The following NDUFS4 variants were observed in gnomAD, a reference collection of about 807,000 sequenced individuals.
NDUFS4 encodes NADH dehydrogenase [ubiquinone] iron-sulfur protein 4, mitochondrial.
In NDUFS4, 28 loss-of-function variants were observed where a neutral mutation model predicts 24.3. That is an observed-to-expected ratio of 1.15 (90% CI 0.85 to 1.58). NDUFS4 has a LOEUF of 1.58. Ranked by LOEUF, NDUFS4 falls within the 40% of genes most tolerant of loss-of-function variation. The pLI, the probability that NDUFS4 is intolerant of heterozygous loss-of-function variation, is 0.00. For synonymous variants in NDUFS4, 93 were observed against 69.7 expected (o/e 1.34, Z -1.67); for missense variants, 223 against 207.9 (o/e 1.07, Z -0.45).
chr5:53,614,038 A>G (rs1017792495), intron 2 of NDUFS4, among the ~76,000 whole-genome samples: 5 of 151,942 alleles, frequency 3.3e-5, no homozygotes, highest in Non-Finnish European at 5.9e-5. Context: ...AACTAATATT[A>G]AAAGTTTTTT....
At chr5:53,628,126 C>CT (rs1554057691) in intron 2 of NDUFS4, among the ~76,000 whole-genome samples, 1 of 152,184 alleles carries the variant, frequency 6.6e-6, no homozygotes, top group Non-Finnish European at 1.5e-5. Context: ...TTTTCTGCAT[C>CT]TATTGAGATA....
chr5:53,661,246 C>A lies in NDUFS4; in HGVS notation c.424+2622C>A, dbSNP rs368679377. Among the ~76,000 whole-genome samples, 1,248 of 152,098 alleles carry A rather than the reference C, an allele frequency of 8.2e-3. 6 individuals are homozygous for A. The highest frequency in any genetic ancestry group is 0.017 in the African/African-American group (723 of 41,520). On this transcript the variant is annotated intron_variant, in intron 4 of 4. Transcript: ENST00000296684. ...CTAGCCAGTTTTCCCAGCACCATTT[C>A]TTAAATAGGGAATCCTTTCCCCATT...
chr5:53,682,096 G>T (rs1298491790), intron 4 of NDUFS4, among the ~76,000 whole-genome samples: 1 of 152,088 alleles, frequency 6.6e-6, no homozygotes, highest in African/African-American at 2.4e-5. Flanking sequence ...CCTGAGAGAA[G>T]AATAAATTAC....
At chr5:53,659,812 A>G (rs1047361301) in intron 4 of NDUFS4, among the ~76,000 whole-genome samples, 1 of 152,154 alleles carries the variant, frequency 6.6e-6, no homozygotes, top group Non-Finnish European at 1.5e-5. Flanking sequence ...GCTTATGATT[A>G]AAAGTCTGAA....
intron 2 of NDUFS4, among the ~76,000 whole-genome samples, chr5:53,625,786 T>C (rs1212071887): frequency 1.3e-5 from 2 of 152,232 alleles, no homozygotes; most frequent in African/African-American, 4.8e-5. Context: ...TCTTTTAACA[T>C]ATTTATAGTC....
intron 2 of NDUFS4, among the ~76,000 whole-genome samples, chr5:53,624,338 G>A (rs1344813843): frequency 2.6e-5 from 4 of 152,060 alleles, no homozygotes; most frequent in Non-Finnish European, 4.4e-5. Flanking sequence ...AAGATTTCAC[G>A]TGAATTTTAG....
intron 2 of NDUFS4, among the ~76,000 whole-genome samples, chr5:53,629,331 G>T (rs1751328404): frequency 6.6e-6 from 1 of 152,166 alleles, no homozygotes; most frequent in African/African-American, 2.4e-5. Flanking sequence ...AGTGCGATGT[G>T]GTGCTGAGAA....
chr5:53,635,984 T>C (rs931304224), intron 2 of NDUFS4, among the ~76,000 whole-genome samples: 4 of 152,210 alleles, frequency 2.6e-5, no homozygotes, highest in African/African-American at 9.7e-5. Flanking sequence ...CGTTGCAAAG[T>C]TTATGGCTGA....
At chr5:53,678,569 G>A (rs1740551608) in intron 4 of NDUFS4, among the ~76,000 whole-genome samples, 2 of 152,128 alleles carry the variant, frequency 1.3e-5, no homozygotes, top group South Asian at 4.1e-4. Context: ...TATGATTGTA[G>A]ACTATACCTT....
chr5:53,635,825 A>G (rs906834896), intron 2 of NDUFS4, among the ~76,000 whole-genome samples: 3 of 152,190 alleles, frequency 2.0e-5, no homozygotes, highest in African/African-American at 7.2e-5. Flanking sequence ...GTGTTCTAAT[A>G]GATTTTTCTT....
At chr5:53,580,751 C>A (rs1338263960) in intron 1 of NDUFS4, among the ~76,000 whole-genome samples, 1 of 139,096 alleles carries the variant, frequency 7.2e-6, no homozygotes, top group South Asian at 2.3e-4. Context: ...CCTTTCCTTC[C>A]TTTCTCTTTC....
At chr5:53,667,843 C>T (rs889983846) in intron 4 of NDUFS4, among the ~76,000 whole-genome samples, 6 of 152,170 alleles carry the variant, frequency 3.9e-5, no homozygotes, top group African/African-American at 1.4e-4. Flanking sequence ...CATATTTCTT[C>T]ATCTTTGAAA....
chr5:53,619,272 C>T (rs1165167840), intron 2 of NDUFS4, among the ~76,000 whole-genome samples: 1 of 148,724 alleles, frequency 6.7e-6, no homozygotes, highest in Non-Finnish European at 1.5e-5. Flanking sequence ...ACCAGCTTGG[C>T]CAACATAGTG....
In NDUFS4 at chr5:53,603,531, G is replaced by A; in HGVS notation, c.177+1G>A. 6.2e-7 allele frequency: 1 copy of A among 1,612,422 alleles called. No individual in the cohort carries two copies. The highest frequency in any genetic ancestry group is 8.5e-7 in the Non-Finnish European group (1 of 1,178,738). ...ACTCATAACAGTTGATGAAAAATTG[G>A]TAAGGATTTTCTACTACACACTGCT... On this transcript the variant is annotated splice_donor_variant, in intron 2 of 4. Transcript: ENST00000296684. LOFTEE classifies it high-confidence loss of function.
intron 2 of NDUFS4, among the ~76,000 whole-genome samples, chr5:53,635,632 T>C (rs1436199314): frequency 6.6e-6 from 1 of 152,228 alleles, no homozygotes; most frequent in Non-Finnish European, 1.5e-5. Flanking sequence ...TTTGTAATTC[T>C]AAGTATTAAA....
At chr5:53,562,434 C>T (rs764685492) in intron 1 of NDUFS4, among the ~76,000 whole-genome samples, 2 of 152,018 alleles carry the variant, frequency 1.3e-5, no homozygotes, top group Non-Finnish European at 2.9e-5. Flanking sequence ...AAGTCAAAGC[C>T]ATTTTGTCAG....
At chr5:53,594,786 A>C (rs2112446297) in intron 1 of NDUFS4, among the ~76,000 whole-genome samples, 1 of 152,212 alleles carries the variant, frequency 6.6e-6, no homozygotes, top group South Asian at 2.1e-4. Flanking sequence ...AAAAGTTATT[A>C]AAACAAACCT....
At chr5:53,626,353 C>A (rs1751225806) in intron 2 of NDUFS4, among the ~76,000 whole-genome samples, 1 of 152,044 alleles carries the variant, frequency 6.6e-6, no homozygotes, top group African/African-American at 2.4e-5. Context: ...ACATGTGTGC[C>A]TGTGTCTTTA....
rs143217061 is a variant in NDUFS4 at position 53,610,752 on chromosome 5, T to G, written c.177+7222T>G. On this transcript the variant is annotated intron_variant, in intron 2 of 4. Transcript: ENST00000296684. ...TAAACATCGCCAGGGCTTTGATTTA[T>G]TTCATATGAGTTCCAGTTAATTAAT... 1.6e-3 allele frequency among the ~76,000 whole-genome samples: 249 copies of G among 152,288 alleles called. 1 individual carries two copies. The highest frequency in any genetic ancestry group is 5.5e-3 in the African/African-American group (229 of 41,572).
Sources: allele counts gnomAD v4.1 joint callset (sites outside exome capture counted in the v4.1 genomes callset), GRCh38; gene constraint gnomAD v4.1.1; transcripts MANE v1.5; gene names NCBI Gene and HGNC (gene_info 2026-07-23, HGNC 2026-07-21).